ITPR2: variants seen among roughly 807,000 people sequenced by gnomAD.
ITPR2 encodes inositol 1,4,5-trisphosphate-gated calcium channel ITPR2.
In ITPR2, 207 loss-of-function variants were observed where a neutral mutation model predicts 317.1. That is an observed-to-expected ratio of 0.65 (90% CI 0.58 to 0.73). The LOEUF is 0.73. Ranked by LOEUF, ITPR2 falls within the 30% of genes least tolerant of loss-of-function variation. The pLI, the probability that ITPR2 is intolerant of heterozygous loss-of-function variation, is 0.00. For synonymous variants in ITPR2, 1,156 were observed against 1,149.1 expected, an observed-to-expected ratio of 1.01 and a Z score of -0.12; for missense variants, 2,613 against 3,284.0, an observed-to-expected ratio of 0.80 and a Z score of 4.99.
chr12:26,831,001 T>C lies in ITPR2; in HGVS notation c.92+1689A>G, dbSNP rs1294418932. 1.3e-5 allele frequency among the ~76,000 whole-genome samples: 2 copies of C among 152,176 alleles called. No individual in the cohort carries two copies. The highest frequency in any genetic ancestry group is 1.3e-4 in the Admixed American group (2 of 15,272). ...TTCCCAAGGTCATAAGGTTTACAAGTGGAAGCGCCAGAATTCAAACCCCAA... is the reference window on the plus strand; with the variant it reads ...TTCCCAAGGTCATAAGGTTTACAAGCGGAAGCGCCAGAATTCAAACCCCAA... On this transcript the variant is annotated intron_variant, in intron 1 of 56. Transcript: ENST00000381340. This position sits in a 1 kb window ranked among gnomAD's most constrained non-coding sequence, Gnocchi z 4.9.
intron 13 of ITPR2, among the ~76,000 whole-genome samples, chr12:26,675,619 C>T (rs1232768652): frequency 3.3e-5 from 5 of 152,050 alleles, no homozygotes; most frequent in East Asian, 1.9e-4. Context: ...GTGGGTACAG[C>T]GCACCAGCAT....
chr12:26,622,401 C>G lies in ITPR2; in HGVS notation c.3127G>C (p.Glu1043Gln). The G allele has an allele frequency of 1.9e-6, 3 of 1,598,684 alleles. 1 individual carries two copies. The highest frequency in any genetic ancestry group is 4.5e-5 in the East Asian group (2 of 44,600). ...QAETMFAGRKEKNPVQLDDEG... is the reference protein window; with the variant it reads ...QAETMFAGRKQKNPVQLDDEG... Reference sequence around the variant, plus strand: ...TCGTCAAGTTGAACTGGATTTTTTTCTTTTCTATAAAACCAAAAACATTTC... The same window carrying G: ...TCGTCAAGTTGAACTGGATTTTTTTGTTTTCTATAAAACCAAAAACATTTC... Residue 1043 changes from glutamate to glutamine, a missense_variant, in exon 25 of 57, where the codon GAA becomes CAA. Glu to Gln is a conservative substitution (Grantham distance 29, BLOSUM62 2). Coordinates refer to ENST00000381340, the MANE Select transcript of ITPR2 (RefSeq NM_002223.4).
At position 26,628,076 on chromosome 12, in the gene ITPR2, C is replaced by T. The variant is rs201826788; in HGVS notation, c.3021G>A (p.Ala1007=). 279 of 1,613,048 alleles carry T rather than the reference C, an allele frequency of 1.7e-4. No individual in the cohort carries two copies. The highest frequency in any genetic ancestry group is 2.3e-4 in the Non-Finnish European group (268 of 1,179,354). Reference sequence around the variant, plus strand: ...CTGGAGATCCACTGGCAGATGTCTCCGCATTGTCATTGTCCTCTCCAAACT... The same window carrying T: ...CTGGAGATCCACTGGCAGATGTCTCTGCATTGTCATTGTCCTCTCCAAACT... The part of the protein sequence containing the change: ...KKEFGEDNDN[A]ETSASGSPDT... Residue 1007 remains alanine (A), a synonymous_variant, in exon 23 of 57, where the codon GCG becomes GCA. Transcript: ENST00000381340.
intron 35 of ITPR2, among the ~76,000 whole-genome samples, chr12:26,556,790 A>AG (rs67546143): frequency 0.39 from 41,671 of 105,584 alleles, 7,162 homozygotes; most frequent in South Asian, 0.59. Flanking sequence ...AAAAAAAAAA[A>AG]AATTCCAGCC....
chr12:26,742,722 G>A (rs1231253540), intron 2 of ITPR2, among the ~76,000 whole-genome samples: 1 of 151,770 alleles, frequency 6.6e-6, no homozygotes, highest in Non-Finnish European at 1.5e-5. Context: ...GCTGAGTCAG[G>A]AGAATCCCTT....
chr12:26,671,758 T>A (rs1345553910), intron 13 of ITPR2, among the ~76,000 whole-genome samples: 2 of 152,178 alleles, frequency 1.3e-5, no homozygotes, highest in African/African-American at 4.8e-5. Context: ...GACTGGCAAA[T>A]TGGATAAAGA....
intron 32 of ITPR2, among the ~76,000 whole-genome samples, chr12:26,581,629 T>A (rs1168612163): frequency 6.6e-6 from 1 of 152,172 alleles, no homozygotes; most frequent in Non-Finnish European, 1.5e-5. Flanking sequence ...TTGTTTTAGG[T>A]TAACTTTAGG....
intron 37 of ITPR2, among the ~76,000 whole-genome samples, chr12:26,546,346 A>C (rs1944389948): frequency 6.6e-6 from 1 of 151,230 alleles, no homozygotes. Flanking sequence ...TCATTTTCCC[A>C]CTCCCACCCT....
rs562263922 is a variant in ITPR2 at position 26,774,826 on chromosome 12, C to A, written c.163+15331G>T. Among the ~76,000 whole-genome samples, 11 of 152,334 alleles carry A rather than the reference C, an allele frequency of 7.2e-5. No homozygotes were observed. In the South Asian group the frequency reaches 2.3e-3, roughly 32 times the overall value. On this transcript the variant is annotated intron_variant, in intron 2 of 56. Transcript: ENST00000381340. ...CTCTCCCTGCCACATGGAGAAACAG[C>A]AGGAACAGTGCAGAAGTGTATTGTG...
At chr12:26,772,479 A>AT (rs1565752087) in intron 2 of ITPR2, among the ~76,000 whole-genome samples, 1 of 44,406 alleles carries the variant, frequency 2.3e-5, no homozygotes, top group Non-Finnish European at 7.5e-5. Flanking sequence ...ATTATATATA[A>AT]TATATATAAT....
intron 45 of ITPR2, among the ~76,000 whole-genome samples, chr12:26,461,973 A>G (rs1341632779): frequency 6.8e-6 from 1 of 148,084 alleles, no homozygotes; most frequent in Admixed American, 6.7e-5. Context: ...TTTTTAGATC[A>G]ACTATTTTGT....
At chr12:26,409,867 G>A (rs904390716) in intron 52 of ITPR2, among the ~76,000 whole-genome samples, 5 of 152,078 alleles carry the variant, frequency 3.3e-5, no homozygotes, top group East Asian at 1.9e-4. Context: ...AAATTGCGAC[G>A]ACCTGGGATT....
At chr12:26,665,810 G>T in intron 14 of ITPR2, 100 bp downstream of exon 14, 2 of 1,047,960 alleles carry the variant, frequency 1.9e-6, no homozygotes, top group Non-Finnish European at 2.8e-6. Context: ...TAAGTTTTGG[G>T]ATCATTTGCT....
At chr12:26,343,617 AC>A (rs762621628) in intron 55 of ITPR2, among the ~76,000 whole-genome samples, 1 of 152,262 alleles carries the variant, frequency 6.6e-6, no homozygotes, top group Non-Finnish European at 1.5e-5. Flanking sequence ...TGAATTGTGC[AC>A]TAAACTCCTG....
In ITPR2 at chr12:26,529,609, G is replaced by C. The variant is rs11048565; in HGVS notation, c.5073+20638C>G. Among the ~76,000 whole-genome samples, 50 of 152,306 alleles carry C rather than the reference G, an allele frequency of 3.3e-4. 1 individual carries two copies. The East Asian group carries it at 8.5e-3, about 26-fold the overall frequency. On this transcript the variant is annotated intron_variant, in intron 37 of 56. Coordinates refer to ENST00000381340, the MANE Select transcript of ITPR2 (RefSeq NM_002223.4). ...AAAGATCCTATAATCACGCTGCCTGGGTTCTAATGCCAGCTGGGTCATGGG... is the reference window on the plus strand; with the variant it reads ...AAAGATCCTATAATCACGCTGCCTGCGTTCTAATGCCAGCTGGGTCATGGG...
chr12:26,592,418 T>C (rs1945731327), intron 32 of ITPR2, among the ~76,000 whole-genome samples: 1 of 152,220 alleles, frequency 6.6e-6, no homozygotes, highest in African/African-American at 2.4e-5. Context: ...ACTGGATTGT[T>C]TGTAACAGAA....
At chr12:26,596,024 A>G (rs560977055) in intron 31 of ITPR2, among the ~76,000 whole-genome samples, 2 of 152,340 alleles carry the variant, frequency 1.3e-5, no homozygotes, top group South Asian at 2.1e-4. Flanking sequence ...GCAGACAACC[A>G]GCTGCTACTG....
intron 34 of ITPR2, among the ~76,000 whole-genome samples, chr12:26,567,943 A>G: frequency 3.1e-5 from 1 of 32,130 alleles, no homozygotes; most frequent in African/African-American, 1.0e-4. Context: ...TCTGGTATAT[A>G]TATATATTAT....
At chr12:26,814,271 A>C (rs1950810424) in intron 1 of ITPR2, among the ~76,000 whole-genome samples, 1 of 152,100 alleles carries the variant, frequency 6.6e-6, no homozygotes, top group Non-Finnish European at 1.5e-5. Context: ...TTTCTCAGTT[A>C]CCTTAATCAC....
Sources: gnomAD v4.1 joint callset for allele counts (sites outside exome capture counted in the v4.1 genomes callset) on GRCh38, gnomAD v4.1.1 for gene constraint, Gnocchi (gnomAD v3.1) non-coding constraint, MANE v1.5 for transcripts, NCBI Gene and HGNC (gene_info 2026-07-23, HGNC 2026-07-21) for gene names.